Variants in SLC9A8 observed in about 807,000 individuals in gnomAD.
The protein encoded by SLC9A8 is sodium/hydrogen exchanger 8.
SLC9A8 carries 48 observed loss-of-function variants against 66.6 expected under a neutral mutation model. The ratio of observed to expected loss-of-function variants is 0.72; its 90% CI spans 0.57 to 0.92. SLC9A8 has a LOEUF of 0.92. Among genes scored for constraint, SLC9A8 ranks in the 40% least tolerant of loss-of-function variants. SLC9A8 has a pLI of 0.00. For synonymous variants in SLC9A8, 274 were observed against 282.6 expected, an observed-to-expected ratio of 0.97 and a Z score of 0.31; for missense variants, 599 against 747.3, an observed-to-expected ratio of 0.80 and a Z score of 2.31.
chr20:49,878,655 G>T (rs1458224755), intron 12 of SLC9A8, among the ~76,000 whole-genome samples: 1 of 152,162 alleles, frequency 6.6e-6, no homozygotes, highest in Admixed American at 6.5e-5. Flanking sequence ...ATTGCTCTTG[G>T]TCACTGTTAT....
chr20:49,825,785 T>C (rs1453084008), intron 3 of SLC9A8, among the ~76,000 whole-genome samples: 4 of 152,198 alleles, frequency 2.6e-5, no homozygotes, highest in African/African-American at 7.2e-5. Flanking sequence ...GCCTCAGCAG[T>C]GAATCCCTTT....
intron 10 of SLC9A8, among the ~76,000 whole-genome samples, chr20:49,867,446 A>G (rs939532372): frequency 6.6e-6 from 1 of 152,136 alleles, no homozygotes; most frequent in Non-Finnish European, 1.5e-5. Flanking sequence ...AACGCAAACT[A>G]TTCCCACCCA....
chr20:49,852,015 C>T (rs939860134), intron 7 of SLC9A8, among the ~76,000 whole-genome samples: 2 of 152,190 alleles, frequency 1.3e-5, no homozygotes, highest in African/African-American at 4.8e-5. Context: ...CCTGTAGACA[C>T]ACTGACTTAG....
chr20:49,833,785 G>A (rs901120477), intron 3 of SLC9A8, among the ~76,000 whole-genome samples: 19 of 152,270 alleles, frequency 1.2e-4, no homozygotes, highest in African/African-American at 4.3e-4. Context: ...CCTGAAAGAA[G>A]CAGCTCAACA....
chr20:49,824,754 G>A (rs977852789), intron 3 of SLC9A8, among the ~76,000 whole-genome samples: 28 of 152,176 alleles, frequency 1.8e-4, no homozygotes, highest in African/African-American at 6.5e-4. Context: ...AATTTGATCA[G>A]GTATCTTGCC....
chr20:49,814,411 C>T (rs964637222), intron 1 of SLC9A8, among the ~76,000 whole-genome samples: 1 of 152,066 alleles, frequency 6.6e-6, no homozygotes, highest in Non-Finnish European at 1.5e-5. Context: ...GTTATTATAG[C>T]AATATTGTAC....
rs571034967 is a variant in SLC9A8, at chr20:49,890,026, C to G, written c.*2090C>G. 2 of 152,394 alleles carry G rather than the reference C, an allele frequency of 1.3e-5. No individual in the cohort carries two copies. Among genetic ancestry groups the G allele is most frequent in the South Asian group, 4.1e-4 (2 of 4,826 alleles). The allele number at this position is 152,394 out of a possible 1,614,324, so 9.4% of individuals were successfully genotyped here. ...CACACTTTGAGCTGAGACTTGAAAACGATGCTGTGGCGGAAGAGCATGTGG... is the reference window on the plus strand; with the variant it reads ...CACACTTTGAGCTGAGACTTGAAAAGGATGCTGTGGCGGAAGAGCATGTGG... On this transcript the variant is annotated 3_prime_UTR_variant, in exon 16 of 16. Transcript: ENST00000361573.
chr20:49,846,827 T>G (rs2088016606), intron 5 of SLC9A8, among the ~76,000 whole-genome samples: 9 of 151,984 alleles, frequency 5.9e-5, no homozygotes, highest in Admixed American at 5.9e-4. Context: ...AGCATGAGAA[T>G]CATGAGAATA....
At chr20:49,845,149 G>A (rs1298467651) in intron 5 of SLC9A8, 30 bp downstream of exon 5, 1 of 1,501,946 alleles carries the variant, frequency 6.7e-7, no homozygotes, top group African/African-American at 1.4e-5. Flanking sequence ...TGGTGCTTTG[G>A]TCTGGACAGT....
chr20:49,835,097 G>A (rs1013063908), intron 3 of SLC9A8, among the ~76,000 whole-genome samples: 1 of 152,138 alleles, frequency 6.6e-6, no homozygotes, highest in African/African-American at 2.4e-5. Flanking sequence ...CACTTTGGAG[G>A]ATAATTTGGC....
chr20:49,841,161 C>T (rs1308354296), intron 4 of SLC9A8, among the ~76,000 whole-genome samples: 1 of 152,004 alleles, frequency 6.6e-6, no homozygotes, highest in African/African-American at 2.4e-5. Flanking sequence ...GAAAAAGTAG[C>T]TGGACGTGGT....
At chr20:49,834,183 CTCTATATATA>C (rs777326407) in intron 3 of SLC9A8, among the ~76,000 whole-genome samples, 3,274 of 36,892 alleles carry the variant, frequency 0.089, 78 homozygotes, top group Non-Finnish European at 0.12. Context: ...CTCTCTCTCT[CTCTATATATA>C]TATATATATA....
intron 3 of SLC9A8, among the ~76,000 whole-genome samples, chr20:49,831,365 C>T (rs746434439): frequency 2.0e-5 from 3 of 151,920 alleles, no homozygotes; most frequent in Non-Finnish European, 2.9e-5. Flanking sequence ...CGCACACACA[C>T]GAGGAGGTGG....
In SLC9A8 at chr20:49,853,447, T is replaced by G. The variant is rs573221113; in HGVS notation, c.570-1991T>G. 1.4e-3 allele frequency among the ~76,000 whole-genome samples: 208 copies of G among 152,328 alleles called. 1 individual carries two copies. Among genetic ancestry groups the G allele is most frequent in the Middle Eastern group, 6.8e-3 (2 of 294 alleles). ...GTGAGCCACTGTGCCCGGCCCAGGA[T>G]ACACTTTTTAGACATCATCCTCCTT... On this transcript the variant is annotated intron_variant, in intron 7 of 15. Transcript: ENST00000361573.
intron 3 of SLC9A8, chr20:49,830,041 GCCGACCAGAA>G: frequency 1.5e-6 from 1 of 672,916 alleles, no homozygotes; most frequent in Middle Eastern, 2.6e-4. Flanking sequence ...TTAAATGGCA[GCCGACCAGAA>G]GCGAGCCTGT....
chr20:49,835,621 G>A (rs991345957), intron 3 of SLC9A8, among the ~76,000 whole-genome samples: 4 of 150,052 alleles, frequency 2.7e-5, no homozygotes, highest in Non-Finnish European at 5.9e-5. Flanking sequence ...TACAATCGGT[G>A]GTACTTTTTA....
At chr20:49,864,886 T>G (rs1261732059) in intron 10 of SLC9A8, 42 bp downstream of exon 10, 1 of 1,287,878 alleles carries the variant, frequency 7.8e-7, no homozygotes, top group South Asian at 1.2e-5. Context: ...TGATGGCATC[T>G]TGTCCTGCCT....
chr20:49,825,340 A>G (rs929575847), intron 3 of SLC9A8, among the ~76,000 whole-genome samples: 5 of 152,166 alleles, frequency 3.3e-5, no homozygotes, highest in Non-Finnish European at 7.4e-5. Flanking sequence ...ACAAAACCCA[A>G]TTCAAAAGAA....
chr20:49,884,289 G>GACACACACGACACACACACACACAC (rs1555848424), intron 14 of SLC9A8: 36 of 38,748 alleles, frequency 9.3e-4, no homozygotes, highest in African/African-American at 3.1e-3. Flanking sequence ...ACACACACAC[G>GACACACACGACACACACACACACAC]ACACACACAC....
Sources: gnomAD v4.1 joint callset for allele counts (sites outside exome capture counted in the v4.1 genomes callset) on GRCh38, gnomAD v4.1.1 for gene constraint, MANE v1.5 for transcripts, NCBI Gene and HGNC (gene_info 2026-07-23, HGNC 2026-07-21) for gene names.